Variants in ZNF83 observed in about 807,000 individuals in gnomAD.
The protein encoded by ZNF83 is zinc finger protein 816B.
For synonymous variants in ZNF83, 209 were observed against 213.0 expected (o/e 0.98, Z 0.17); for missense variants, 552 against 629.9 (o/e 0.88, Z 1.32).
exon 3 of ZNF83, chr19:52,613,075 T>A (rs1435274101): frequency 1.2e-6 from 2 of 1,612,878 alleles, no homozygotes; most frequent in South Asian, 2.2e-5. Flanking sequence ...AAGATATGAA[T>A]TGTCGCGGAA....
chr19:52,618,915 C>T (rs79168208), intron 2 of ZNF83: 234,397 of 1,533,158 alleles, frequency 0.15, 34,203 homozygotes, highest in South Asian at 0.24. Context: ...ATCCCCACTT[C>T]TGGAGGGAAG....
chr19:52,618,831 G>A lies in ZNF83; in HGVS notation c.-233-4034C>T, dbSNP rs142837171. 1.3e-3 allele frequency: 1,905 copies of A among 1,446,654 alleles called. 18 individuals carry two copies. The African/African-American group carries it at 0.02, about 15-fold the overall frequency. The allele number at this position is 1,446,654 out of a possible 1,614,324, so 89.6% of individuals were successfully genotyped here. ...AAGCTTTTCATTTCAAAATCAATAC[G>A]GCTTCCATTTTAGTCAAGCAAGGAT... On this transcript the variant is annotated intron_variant, in intron 2 of 2. Transcript: ENST00000301096.
At chr19:52,655,475 C>CA (rs2061493200) in intron 3 of ZNF83, 1 of 1,262,794 alleles carries the variant, frequency 7.9e-7, no homozygotes, top group Non-Finnish European at 1.1e-6. Flanking sequence ...ATGTATGCGG[C>CA]AAAATCACAA....
rs76719431 is a variant in ZNF83, at chr19:52,621,111, C to T, written c.-233-6314G>A. ...GGTCTCTTCACAGGGACATACGTGACATTTGGTGAGATGTGGGACAGGAGG... is the reference window on the plus strand; with the variant it reads ...GGTCTCTTCACAGGGACATACGTGATATTTGGTGAGATGTGGGACAGGAGG... On this transcript the variant is annotated intron_variant, in intron 2 of 2. Coordinates refer to ENST00000301096, the Ensembl canonical transcript of ZNF83. 2.0e-5 allele frequency among the ~76,000 whole-genome samples: 3 copies of T among 152,158 alleles called. No homozygotes were observed. The East Asian group carries it at 5.8e-4, about 29-fold the overall frequency.
chr19:52,624,834 C>T (rs542340069), intron 2 of ZNF83, among the ~76,000 whole-genome samples: 6 of 152,240 alleles, frequency 3.9e-5, no homozygotes, highest in African/African-American at 1.4e-4. Flanking sequence ...TTTCTCATAA[C>T]TTCCCAAATC....
In ZNF83 at chr19:52,613,150, A is replaced by C. The variant is rs114332129; in HGVS notation, c.1415T>G (p.Leu472Arg). ...AGTGTGGATCGCATGATGATTAGTG[A>C]GGCTTGAACGCATACTAAAAGCTTT... The change falls in exon 3 of 3, where the codon CTC (leucine) becomes CGC (arginine). Residue 472 changes from leucine (L) to arginine (R), a missense_variant. Physicochemically the swap from Leu to Arg is moderately radical, Grantham distance 102 (BLOSUM62 -2). Transcript: ENST00000301096. The C allele has an allele frequency of 2.2e-4, 354 of 1,613,510 alleles. No homozygotes were observed. The African/African-American group carries it at 4.2e-3, about 19-fold the overall frequency.
intron 2 of ZNF83, among the ~76,000 whole-genome samples, chr19:52,658,156 A>C (rs34668321): frequency 0.08 from 11,939 of 149,422 alleles, 538 homozygotes; most frequent in Middle Eastern, 0.11. Flanking sequence ...AAAAAAAAGT[A>C]GTGAATAGGA....
intron 1 of ZNF83, 72 bp from the exon 2 acceptor site, chr19:52,635,225 C>T: frequency 1.9e-6 from 1 of 516,850 alleles, no homozygotes; most frequent in Non-Finnish European, 3.4e-6. Flanking sequence ...ACAACACATA[C>T]AAAGGAGACC....
chr19:52,661,926 C>T (rs1046245291), intron 1 of ZNF83, among the ~76,000 whole-genome samples: 10 of 152,176 alleles, frequency 6.6e-5, no homozygotes, highest in East Asian at 1.9e-4. Context: ...AGTCCTAGGC[C>T]GAGGGACAGC....
intron 1 of ZNF83, among the ~76,000 whole-genome samples, chr19:52,676,296 A>G (rs1335892180): frequency 4.6e-5 from 7 of 152,176 alleles, no homozygotes; most frequent in African/African-American, 1.7e-4. Context: ...AATGGTGCCC[A>G]GGCTGGAGTG....
chr19:52,664,184 ATTTT>A (rs57600625), intron 1 of ZNF83, among the ~76,000 whole-genome samples: 10 of 141,852 alleles, frequency 7.0e-5, no homozygotes, highest in Admixed American at 3.5e-4. Context: ...CACCAGGCCT[ATTTT>A]TTTTTTTTTT....
upstream of ZNF83, among the ~76,000 whole-genome samples, chr19:52,639,415 A>ATTTTTTTTTTTTTTTTTTTTTTTTTT (rs1160711365): frequency 5.8e-5 from 5 of 86,310 alleles, no homozygotes; most frequent in East Asian, 5.6e-4. Context: ...AGTTTTTTCT[A>ATTTTTTTTTTTTTTTTTTTTTTTTTT]TTTTTTTTTT....
chr19:52,638,825 C>T (rs960061053), upstream of ZNF83, among the ~76,000 whole-genome samples: 6 of 152,164 alleles, frequency 3.9e-5, no homozygotes, highest in South Asian at 8.3e-4. Flanking sequence ...TCACCACCTG[C>T]GGCTTAAACA....
exon 3 of ZNF83, chr19:52,613,601 A>G: frequency 6.2e-7 from 1 of 1,613,574 alleles, no homozygotes. Context: ...ACCTTGCCAC[A>G]CTCATTACAT....
chr19:52,646,224 G>A (rs1427308852), intron 3 of ZNF83, among the ~76,000 whole-genome samples: 2 of 152,124 alleles, frequency 1.3e-5, no homozygotes, highest in African/African-American at 2.4e-5. Context: ...ACAGGCATGA[G>A]CCACCATGGT....
intron 1 of ZNF83, among the ~76,000 whole-genome samples, chr19:52,637,599 G>C (rs1445003451): frequency 6.6e-6 from 1 of 151,842 alleles, no homozygotes; most frequent in Non-Finnish European, 1.5e-5. Context: ...CTCTGTTATG[G>C]GTCTTTCTCA....
chr19:52,668,053 T>C (rs554703092), intron 1 of ZNF83, among the ~76,000 whole-genome samples: 2 of 152,348 alleles, frequency 1.3e-5, no homozygotes, highest in South Asian at 4.1e-4. Flanking sequence ...AAACAAATGA[T>C]AAATTTCTTA....
chr19:52,642,722 G>A (rs1158891120), upstream of ZNF83, among the ~76,000 whole-genome samples: 2 of 152,040 alleles, frequency 1.3e-5, no homozygotes, highest in Non-Finnish European at 2.9e-5. Flanking sequence ...AAGTCCAAGG[G>A]TCTATCATGA....
intron 3 of ZNF83, among the ~76,000 whole-genome samples, chr19:52,644,280 A>C (rs371391852): frequency 3.3e-5 from 5 of 150,336 alleles, no homozygotes; most frequent in African/African-American, 1.2e-4. Context: ...CCAGACACCC[A>C]CTCTATTTTG....
Sources: gnomAD v4.1 joint callset for allele counts (sites outside exome capture counted in the v4.1 genomes callset) on GRCh38, gnomAD v4.1.1 for gene constraint, MANE v1.5 for transcripts, NCBI Gene and HGNC (gene_info 2026-07-23, HGNC 2026-07-21) for gene names.